The following TIAL1 variants were observed in gnomAD, a reference collection of about 807,000 sequenced individuals.
The protein encoded by TIAL1 is TIA1 cytotoxic granule associated RNA binding protein like 1.
TIAL1 carries 7 observed loss-of-function variants against 59.7 expected under a neutral mutation model. That is an observed-to-expected ratio of 0.12 (90% CI 0.07 to 0.22). The LOEUF is 0.22. Ranked by LOEUF, TIAL1 falls within the 10% of genes least tolerant of loss-of-function variation. The probability of loss-of-function intolerance (pLI) is 1.00; values close to 1 mark genes in which losing one functional copy is unlikely to be tolerated. For missense variants in TIAL1, 225 were observed against 462.5 expected (o/e 0.49, Z 4.71); for synonymous variants, 149 against 146.3 (o/e 1.02, Z -0.13).
Position 119,577,204 on chromosome 10 carries a change from C to A in TIAL1, c.738-1G>T. The A allele has an allele frequency of 6.3e-7, 1 of 1,591,590 alleles. No individual in the cohort carries two copies. The highest frequency in any genetic ancestry group is 8.5e-7 in the Non-Finnish European group (1 of 1,174,108). On this transcript the variant is annotated splice_acceptor_variant, in intron 9 of 11. Coordinates refer to ENST00000436547, the MANE Select transcript of TIAL1 (RefSeq NM_003252.4). LOFTEE classifies it high-confidence loss of function. ...GGCTGCACTTTCATGGGTTGAAAAT[C>A]TAAGAAAGAAAAATGATATGGTTTT...
intron 1 of TIAL1, among the ~76,000 whole-genome samples, chr10:119,593,883 C>G (rs565266224): frequency 2.8e-4 from 43 of 152,274 alleles, no homozygotes; most frequent in African/African-American, 1.0e-3. Context: ...AGTCAACAGA[C>G]TGCACCACAT....
chr10:119,596,415 C>T lies in TIAL1; in HGVS notation c.32+19G>A. ...CCCGGGCCTCTTGGCGCCTGGCACC[C>T]CTCGTCTCGGGTACTCACAGAGTCC... is the stretch of plus-strand genomic sequence containing the variant. On this transcript the variant is annotated intron_variant, in intron 1 of 11. Transcript: ENST00000436547. The T allele has an allele frequency of 6.2e-7, 1 of 1,611,340 alleles. No homozygotes were observed. Among genetic ancestry groups the T allele is most frequent in the African/African-American group, 1.3e-5 (1 of 74,956 alleles).
chr10:119,595,169 A>C (rs1846099047), intron 1 of TIAL1, among the ~76,000 whole-genome samples: 1 of 152,180 alleles, frequency 6.6e-6, no homozygotes, highest in South Asian at 2.1e-4. Flanking sequence ...TATCTTCTTT[A>C]CTGAGCATCC....
At chr10:119,575,856 C>T in intron 11 of TIAL1, 65 bp from the exon 12 acceptor site, 1 of 1,461,640 alleles carries the variant, frequency 6.8e-7, no homozygotes. Context: ...TGTATTTACA[C>T]AAAAATCAAG....
Position 119,575,633 on chromosome 10 carries a change from C to G in TIAL1, c.*32G>C. 6.2e-7 allele frequency: 1 copy of G among 1,612,470 alleles called. No individual in the cohort carries two copies. Among genetic ancestry groups the G allele is most frequent in the Non-Finnish European group, 8.5e-7 (1 of 1,179,096 alleles). On this transcript the variant is annotated 3_prime_UTR_variant, in exon 12 of 12. Coordinates refer to ENST00000436547, the MANE Select transcript of TIAL1 (RefSeq NM_003252.4). ...AGTGTCACAGGAAATCGAAGCCTAT[C>G]ATGAATTACAATTTTTTTTTAGAGT...
At position 119,573,776 on chromosome 10, in the gene TIAL1, G is replaced by A. The variant is rs3009878; in HGVS notation, c.*1889C>T. Reference sequence around the variant, plus strand: ...GATACTATAAACAAAAGAAATAAGGGTATATTTTATAACAGAAGAGTGTAA... The same window carrying A: ...GATACTATAAACAAAAGAAATAAGGATATATTTTATAACAGAAGAGTGTAA... On this transcript the variant is annotated 3_prime_UTR_variant, in exon 12 of 12. Coordinates refer to ENST00000436547, the MANE Select transcript of TIAL1 (RefSeq NM_003252.4). 136 of 152,164 alleles carry A rather than the reference G, an allele frequency of 8.9e-4. No individual in the cohort carries two copies. Among genetic ancestry groups the A allele is most frequent in the Middle Eastern group, 3.4e-3 (1 of 294 alleles). The allele number at this position is 152,164 out of a possible 1,614,324, so 9.4% of individuals were successfully genotyped here. A position where few individuals can be genotyped will look rare whatever the true frequency, so the allele number is the denominator to read the frequency against.
intron 1 of TIAL1, among the ~76,000 whole-genome samples, chr10:119,594,610 G>A (rs1484965741): frequency 1.3e-5 from 2 of 152,118 alleles, no homozygotes; most frequent in South Asian, 2.1e-4. Flanking sequence ...GGCTTCAACA[G>A]ATGTTGAAGG....
intron 10 of TIAL1, 145 bp from the exon 11 acceptor site, chr10:119,576,895 G>A: frequency 7.4e-7 from 1 of 1,344,914 alleles, no homozygotes; most frequent in Non-Finnish European, 1.0e-6. Flanking sequence ...AGTTTATTGG[G>A]GTGGTGACAC....
intron 1 of TIAL1, among the ~76,000 whole-genome samples, chr10:119,590,812 GAA>G (rs1564744952): frequency 6.9e-6 from 1 of 144,986 alleles, no homozygotes; most frequent in Non-Finnish European, 1.5e-5. Context: ...AAGAAAGAAA[GAA>G]AGAAAGAAAC....
chr10:119,575,469 C>T lies in TIAL1; in HGVS notation c.*196G>A. On this transcript the variant is annotated 3_prime_UTR_variant, in exon 12 of 12. Coordinates refer to ENST00000436547, the MANE Select transcript of TIAL1 (RefSeq NM_003252.4). ...CATAAAGAAAAATCATGTTCATATC[C>T]ATCATGAACAAAAACTTAAAAAGGC... 7.8e-6 allele frequency: 4 copies of T among 511,490 alleles called. No individual in the cohort carries two copies. The highest frequency in any genetic ancestry group is 2.0e-5 in the African/African-American group (1 of 49,622). 31.7% of individuals were successfully genotyped at this position (511,490 alleles called of 1,614,324 possible). A position where few individuals can be genotyped will look rare whatever the true frequency, so the allele number is the denominator to read the frequency against.
In TIAL1 at chr10:119,574,021, A is replaced by G. The variant is rs1444574241; in HGVS notation, c.*1644T>C. The G allele has an allele frequency of 6.5e-6, 1 of 152,684 alleles. No homozygotes were observed. Among genetic ancestry groups the G allele is most frequent in the East Asian group, 1.9e-4 (1 of 5,202 alleles). The allele number at this position is 152,684 out of a possible 1,614,324, so 9.5% of individuals were successfully genotyped here. ...GTTTAGAAAACAGTAATTTGTGGGT[A>G]CTAATCGCATCTTACTATGTAACTG... On this transcript the variant is annotated 3_prime_UTR_variant, in exon 12 of 12. Coordinates refer to ENST00000436547, the MANE Select transcript of TIAL1 (RefSeq NM_003252.4).
In TIAL1 at chr10:119,596,815, C is replaced by T; in HGVS notation, c.-350G>A. ...AGGGCCGCCGAGGAAACCCTGGGAC[C>T]CGCTCACGACGGATCACGTCGTCGC... On this transcript the variant is annotated 5_prime_UTR_variant, in exon 1 of 12. Coordinates refer to ENST00000436547, the MANE Select transcript of TIAL1 (RefSeq NM_003252.4). 1 of 314,728 alleles carries T rather than the reference C, an allele frequency of 3.2e-6. No individual in the cohort carries two copies. The highest frequency in any genetic ancestry group is 4.7e-5 in the Admixed American group (1 of 21,212). The allele number at this position is 314,728 out of a possible 1,614,324, so 19.5% of individuals were successfully genotyped here.
At chr10:119,588,524 A>T (rs1845688306) in intron 1 of TIAL1, among the ~76,000 whole-genome samples, 1 of 152,102 alleles carries the variant, frequency 6.6e-6, no homozygotes, top group Non-Finnish European at 1.5e-5. Context: ...TTGTATTCTT[A>T]GTAGAGACAG....
chr10:119,590,802 AAG>A (rs1845838615), intron 1 of TIAL1, among the ~76,000 whole-genome samples: 1 of 151,624 alleles, frequency 6.6e-6, no homozygotes, highest in African/African-American at 2.4e-5. Flanking sequence ...GAAAGAAAGA[AAG>A]AAAGAAAGAA....
chr10:119,576,264 T>C (rs1400441550), intron 11 of TIAL1, among the ~76,000 whole-genome samples: 9 of 145,958 alleles, frequency 6.2e-5, no homozygotes, highest in Non-Finnish European at 1.2e-4. Flanking sequence ...TTCTCACACA[T>C]ACCACATAGG....
In TIAL1 at chr10:119,576,695, T is replaced by C; in HGVS notation, c.917A>G (p.Tyr306Cys). Residue 306 changes from tyrosine (Y) to cysteine (C), a missense_variant, in exon 11 of 12, where the codon TAT (tyrosine) becomes TGT (cysteine). Tyr to Cys is a radical substitution (Grantham distance 194, BLOSUM62 -2). This residue lies in a region of TIAL1 where 80 missense variants were observed against 158.8 expected (regional missense o/e 0.50). Transcript: ENST00000436547. ...WSQVYGNPQQ[Y>C]GQYMANGWQV... ...CCACCCATTTGCCATATACTGTCCA[T>C]ACTGTTGTGGGTTTCCATACACTTG... 6.2e-7 allele frequency: 1 copy of C among 1,614,180 alleles called. No homozygotes were observed. The highest frequency in any genetic ancestry group is 1.1e-5 in the South Asian group (1 of 91,080).
rs548960485 is a variant in TIAL1, at chr10:119,574,603, A to C, written c.*1062T>G. On this transcript the variant is annotated 3_prime_UTR_variant, in exon 12 of 12. Coordinates refer to ENST00000436547, the MANE Select transcript of TIAL1 (RefSeq NM_003252.4). ...ATGTAAAGCAAAAAAAAAAAAAAAA[A>C]AAAACAAAAACAAAAAACTAATTCC... The C allele has an allele frequency of 5.6e-4, 81 of 144,182 alleles. 1 individual carries two copies. The highest frequency in any genetic ancestry group is 5.1e-3 in the East Asian group (25 of 4,912). The allele number at this position is 144,182 out of a possible 1,614,324, so 8.9% of individuals were successfully genotyped here.
rs1306973243 is a variant in TIAL1, at chr10:119,596,512, G to A, written c.-47C>T. The A allele has an allele frequency of 4.7e-6, 4 of 855,872 alleles. No individual in the cohort carries two copies. The highest frequency in any genetic ancestry group is 5.6e-6 in the Non-Finnish European group (3 of 532,484). 53.0% of individuals were successfully genotyped at this position (855,872 alleles called of 1,614,324 possible). On this transcript the variant is annotated 5_prime_UTR_variant, in exon 1 of 12. Transcript: ENST00000436547. ...CCGGGACAAGGGGGAGGGCAGGGTT[G>A]GGGAGGGGAGGGGGTGGGGAGGAAG...
chr10:119,596,408 T>C, intron 1 of TIAL1, 26 bp downstream of exon 1: 1 of 1,610,390 alleles, frequency 6.2e-7, no homozygotes, highest in Non-Finnish European at 8.5e-7. Context: ...TCTTGGCGCC[T>C]GGCACCCCTC....
Sources: allele counts gnomAD v4.1 joint callset (sites outside exome capture counted in the v4.1 genomes callset), GRCh38; gene constraint gnomAD v4.1.1; regional missense constraint gnomAD v4.1.1; transcripts MANE v1.5; gene names NCBI Gene and HGNC (gene_info 2026-07-23, HGNC 2026-07-21).